The following PTPRT variants were observed in gnomAD, a reference collection of about 807,000 sequenced individuals.
PTPRT encodes the protein protein tyrosine phosphatase receptor type T, also known as receptor-type tyrosine-protein phosphatase T.
Under a neutral mutation model 176.8 loss-of-function variants are expected in PTPRT, and 56 were observed. The observed-to-expected ratio is 0.32, with a 90% CI of 0.26 to 0.40. The LOEUF is 0.40. Among genes scored for constraint, PTPRT ranks in the 10% least tolerant of loss-of-function variants. The pLI is 1.00. For synonymous variants in PTPRT, 783 were observed against 739.0 expected, an observed-to-expected ratio of 1.06 and a Z score of -0.96; for missense variants, 1,540 against 1,908.2, an observed-to-expected ratio of 0.81 and a Z score of 3.60.
At chr20:42,104,739 G>A (rs1316580303) in intron 24 of PTPRT, 21 bp from the exon 25 acceptor site, 3 of 1,550,426 alleles carry the variant, frequency 1.9e-6, no homozygotes, top group African/African-American at 2.7e-5. Context: ...AGAAGAGAGG[G>A]AATGGGGTGC....
At chr20:43,048,395 C>G (rs1028427162) in intron 1 of PTPRT, among the ~76,000 whole-genome samples, 12 of 152,028 alleles carry the variant, frequency 7.9e-5, no homozygotes, top group African/African-American at 2.9e-4. Context: ...TCCTAGGGAG[C>G]CAGGGAAGGG....
intron 7 of PTPRT, among the ~76,000 whole-genome samples, chr20:42,514,948 T>C (rs936125094): frequency 1.3e-5 from 2 of 152,206 alleles, no homozygotes; most frequent in African/African-American, 4.8e-5. Flanking sequence ...TAGTATGACC[T>C]CATTACCGGG....
At chr20:42,274,908 G>A (rs1369806259) in intron 13 of PTPRT, among the ~76,000 whole-genome samples, 3 of 152,068 alleles carry the variant, frequency 2.0e-5, no homozygotes, top group Admixed American at 6.5e-5. Context: ...AAGAGGCATG[G>A]GAAGAGGTTA....
intron 13 of PTPRT, among the ~76,000 whole-genome samples, chr20:42,261,827 T>C (rs997261737): frequency 1.3e-5 from 2 of 152,122 alleles, no homozygotes; most frequent in Non-Finnish European, 2.9e-5. Flanking sequence ...ATTACCTGAC[T>C]TAGAGGGGCA....
chr20:42,741,805 CCTAGA>C (rs1260376026), intron 6 of PTPRT, among the ~76,000 whole-genome samples: 7 of 151,926 alleles, frequency 4.6e-5, no homozygotes, highest in African/African-American at 1.5e-4. Context: ...ACAGGCAATA[CCTAGA>C]CGTACTAGAT....
chr20:42,268,752 T>G (rs897822505), intron 13 of PTPRT, among the ~76,000 whole-genome samples: 2 of 152,184 alleles, frequency 1.3e-5, no homozygotes, highest in African/African-American at 4.8e-5. Flanking sequence ...ATTCCTGTGG[T>G]GTTGGCAGTG....
At chr20:42,420,694 G>A (rs2059110335) in intron 9 of PTPRT, among the ~76,000 whole-genome samples, 1 of 152,186 alleles carries the variant, frequency 6.6e-6, no homozygotes, top group Admixed American at 6.5e-5. Flanking sequence ...ATTCTGGTCT[G>A]TCTTCGTCTG....
At chr20:42,943,577 A>C (rs1240392344) in intron 1 of PTPRT, among the ~76,000 whole-genome samples, 1 of 152,150 alleles carries the variant, frequency 6.6e-6, no homozygotes, top group Non-Finnish European at 1.5e-5. Context: ...CAAATCAGGC[A>C]CAGGGATGAG....
chr20:42,499,998 T>C (rs2071724427), intron 7 of PTPRT, among the ~76,000 whole-genome samples: 1 of 152,190 alleles, frequency 6.6e-6, no homozygotes, highest in South Asian at 2.1e-4. Flanking sequence ...GATGAATATT[T>C]ATTTTAATTT....
chr20:42,748,375 G>A (rs2076721141), intron 6 of PTPRT, among the ~76,000 whole-genome samples: 1 of 152,162 alleles, frequency 6.6e-6, no homozygotes, highest in Non-Finnish European at 1.5e-5. Flanking sequence ...TTACTTCTGA[G>A]GACTTGTGGA....
Position 43,019,679 on chromosome 20 carries a change from A to G in PTPRT, c.89-133747T>C, listed in dbSNP as rs148171709. Among the ~76,000 whole-genome samples, 755 of 151,410 alleles carry G rather than the reference A, an allele frequency of 5.0e-3. 5 individuals carry two copies. Among genetic ancestry groups the G allele is most frequent in the African/African-American group, 0.017 (719 of 41,240 alleles). ...CAGCTGTGTCTGTGAGAATATTTCC[A>G]GGAGAGACTGATGTGTGAGTCCATG... On this transcript the variant is annotated intron_variant, in intron 1 of 30. Transcript: ENST00000373187.
chr20:42,307,827 A>G (rs1006495963), intron 12 of PTPRT, among the ~76,000 whole-genome samples: 2 of 152,144 alleles, frequency 1.3e-5, no homozygotes, highest in African/African-American at 4.8e-5. Flanking sequence ...ACAGGAAGAA[A>G]CAGGAGGTTG....
intron 7 of PTPRT, among the ~76,000 whole-genome samples, chr20:42,544,546 T>C (rs1157052496): frequency 6.6e-6 from 1 of 152,182 alleles, no homozygotes; most frequent in African/African-American, 2.4e-5. Context: ...GTTTCACTCC[T>C]GTTGTCTGGA....
intron 2 of PTPRT, among the ~76,000 whole-genome samples, chr20:42,858,123 T>G (rs1052038190): frequency 2.0e-5 from 3 of 152,180 alleles, no homozygotes; most frequent in Admixed American, 2.0e-4. Flanking sequence ...CCTACCTGTC[T>G]ACCTATTAGA....
At chr20:42,043,632 C>T in the PTPRT span, among the ~76,000 whole-genome samples, 1 of 152,168 alleles carries the variant, frequency 6.6e-6, no homozygotes, top group African/African-American at 2.4e-5. Flanking sequence ...AGTCCCCTTG[C>T]AGAGCCGCTG....
chr20:42,881,033 C>T (rs1306082908), intron 2 of PTPRT, among the ~76,000 whole-genome samples: 3 of 152,216 alleles, frequency 2.0e-5, no homozygotes, highest in South Asian at 2.1e-4. Flanking sequence ...CTGAGCAGCT[C>T]GCCTTTGTAA....
intron 13 of PTPRT, among the ~76,000 whole-genome samples, chr20:42,268,435 C>T (rs1034147069): frequency 2.0e-5 from 3 of 152,064 alleles, no homozygotes; most frequent in Non-Finnish European, 4.4e-5. Context: ...CGGAACAGCT[C>T]GCACACACTC....
intron 1 of PTPRT, among the ~76,000 whole-genome samples, chr20:43,043,329 C>G (rs1232919200): frequency 6.6e-6 from 1 of 151,514 alleles, no homozygotes; most frequent in Non-Finnish European, 1.5e-5. Context: ...AAGTGAAGAG[C>G]TCCATATCCT....
intron 9 of PTPRT, among the ~76,000 whole-genome samples, chr20:42,356,113 C>A (rs549706297): frequency 1.3e-5 from 2 of 151,958 alleles, no homozygotes; most frequent in Middle Eastern, 3.2e-3. Flanking sequence ...AGTGAGGGAT[C>A]GGGCTGGGGA....
Sources: gnomAD v4.1 joint callset for allele counts (sites outside exome capture counted in the v4.1 genomes callset) on GRCh38, gnomAD v4.1.1 for gene constraint, MANE v1.5 for transcripts, NCBI Gene and HGNC (gene_info 2026-07-23, HGNC 2026-07-21) for gene names.